GPR141: variants seen among roughly 807,000 people sequenced by gnomAD.
GPR141 encodes probable G protein-coupled receptor 141.
GPR141 carries 6 observed loss-of-function variants against 6.8 expected under a neutral mutation model. The ratio of observed to expected loss-of-function variants is 0.88; its 90% CI spans 0.48 to 1.74. The LOEUF (loss-of-function observed/expected upper bound fraction) is 1.74. Ranked by LOEUF, GPR141 falls within the 40% of genes most tolerant of loss-of-function variation. The pLI, the probability that GPR141 is intolerant of heterozygous loss-of-function variation, is 0.01. For synonymous variants in GPR141, 140 were observed against 142.3 expected, an observed-to-expected ratio of 0.98 and a Z score of 0.11; for missense variants, 372 against 372.9, an observed-to-expected ratio of 1.00 and a Z score of 0.02.
chr7:37,686,665 G>A (rs1268188508), intron 2 of GPR141, among the ~76,000 whole-genome samples: 3 of 152,098 alleles, frequency 2.0e-5, no homozygotes, highest in South Asian at 2.1e-4. Context: ...TGGAGATTAC[G>A]TACCATAGAT....
intron 2 of GPR141, among the ~76,000 whole-genome samples, chr7:37,728,402 G>A (rs1811740836): frequency 6.6e-6 from 1 of 152,170 alleles, no homozygotes; most frequent in South Asian, 2.1e-4. Context: ...ATACTTGTTT[G>A]TCTGTTTTAA....
intron 2 of GPR141, among the ~76,000 whole-genome samples, chr7:37,704,508 C>T (rs1311794915): frequency 1.3e-5 from 2 of 152,136 alleles, no homozygotes; most frequent in East Asian, 3.9e-4. Context: ...AACTCACTCA[C>T]TATCATGGGA....
chr7:37,721,966 G>T (rs981965484), intron 2 of GPR141, among the ~76,000 whole-genome samples: 3 of 152,120 alleles, frequency 2.0e-5, no homozygotes, highest in African/African-American at 7.2e-5. Flanking sequence ...GAAGTCATCT[G>T]GATAACATAT....
chr7:37,709,285 A>T (rs1371954312), intron 2 of GPR141, among the ~76,000 whole-genome samples: 1 of 152,204 alleles, frequency 6.6e-6, no homozygotes, highest in Non-Finnish European at 1.5e-5. Flanking sequence ...GGTAAAGATC[A>T]TAGTGTGCAT....
At chr7:37,724,717 G>A (rs1353367160) in intron 2 of GPR141, among the ~76,000 whole-genome samples, 1 of 152,196 alleles carries the variant, frequency 6.6e-6, no homozygotes, top group Non-Finnish European at 1.5e-5. Flanking sequence ...GAGCTCAAAG[G>A]CAGGAAGCCA....
intron 2 of GPR141, among the ~76,000 whole-genome samples, chr7:37,701,048 T>A (rs1562770464): frequency 6.6e-6 from 1 of 152,234 alleles, no homozygotes; most frequent in Non-Finnish European, 1.5e-5. Flanking sequence ...TACCCCATTG[T>A]ACATGGAACT....
intron 2 of GPR141, among the ~76,000 whole-genome samples, chr7:37,730,337 A>G (rs555002868): frequency 2.2e-4 from 33 of 152,288 alleles, no homozygotes; most frequent in Non-Finnish European, 2.8e-4. Flanking sequence ...AATAATAATA[A>G]CAAGTGTATC....
chr7:37,725,840 G>GC (rs1811601284), intron 2 of GPR141, among the ~76,000 whole-genome samples: 1 of 143,004 alleles, frequency 7.0e-6, no homozygotes. Context: ...TGTTTGCTTT[G>GC]TTTTTTTTTT....
At position 37,742,444 on chromosome 7, in the gene GPR141, G is replaced by A. The variant is rs1308071276; in HGVS notation, c.*1133G>A. 1.5e-4 allele frequency among the ~76,000 whole-genome samples: 22 copies of A among 150,540 alleles called. No individual in the cohort carries two copies. The highest frequency in any genetic ancestry group is 6.7e-4 in the Admixed American group (10 of 15,036). ...CATTGTGTGATGTTCCCCTCCCTGT[G>A]TCCATGTGTTTTCATTGTTCAACTC... is the stretch of plus-strand genomic sequence containing the variant. On this transcript the variant is annotated 3_prime_UTR_variant, in exon 3 of 3. Transcript: ENST00000334425.
intron 2 of GPR141, chr7:37,713,269 A>G (rs1361185199): frequency 2.0e-5 from 3 of 152,234 alleles, no homozygotes; most frequent in African/African-American, 7.2e-5. Context: ...AGTGAAATAC[A>G]TGTAAGAAAA....
At chr7:37,715,843 A>G (rs547921545) in intron 2 of GPR141, among the ~76,000 whole-genome samples, 9 of 152,302 alleles carry the variant, frequency 5.9e-5, no homozygotes, top group African/African-American at 2.2e-4. Context: ...GCCAATGCAC[A>G]CATTCCACTA....
At chr7:37,731,590 C>T (rs555458043) in intron 2 of GPR141, among the ~76,000 whole-genome samples, 3 of 152,014 alleles carry the variant, frequency 2.0e-5, no homozygotes, top group Non-Finnish European at 4.4e-5. Flanking sequence ...ACTACAGGCG[C>T]CCGCCACAAC....
intron 2 of GPR141, among the ~76,000 whole-genome samples, chr7:37,696,071 T>G (rs1332716120): frequency 6.6e-6 from 1 of 152,208 alleles, no homozygotes; most frequent in African/African-American, 2.4e-5. Flanking sequence ...TACAGACAAT[T>G]CCCCATATAA....
At chr7:37,735,263 C>A (rs1812175546) in intron 2 of GPR141, among the ~76,000 whole-genome samples, 1 of 152,232 alleles carries the variant, frequency 6.6e-6, no homozygotes. Flanking sequence ...AAAGCAACTT[C>A]TTTCACAACA....
Position 37,733,170 on chromosome 7 carries a change from G to A in GPR141, c.-14-7210G>A, listed in dbSNP as rs375342356. 2.6e-5 allele frequency among the ~76,000 whole-genome samples: 4 copies of A among 152,268 alleles called. No individual in the cohort carries two copies. The South Asian group carries it at 8.3e-4, about 32-fold the overall frequency. ...TGAGAAGATATGGACTTGGCTCTATGTGCTTGGCTAGCTGAATGTTTTGCA... is the reference window on the plus strand; with the variant it reads ...TGAGAAGATATGGACTTGGCTCTATATGCTTGGCTAGCTGAATGTTTTGCA... On this transcript the variant is annotated intron_variant, in intron 2 of 2. Coordinates refer to ENST00000334425, the MANE Select transcript of GPR141 (RefSeq NM_001381946.1).
chr7:37,685,821 A>C (rs1809485408), intron 2 of GPR141, among the ~76,000 whole-genome samples: 1 of 148,992 alleles, frequency 6.7e-6, no homozygotes, highest in South Asian at 2.1e-4. Flanking sequence ...TCCAAAATCC[A>C]ATTGTAGTTA....
At chr7:37,717,508 A>G (rs1453506023) in intron 2 of GPR141, among the ~76,000 whole-genome samples, 1 of 152,296 alleles carries the variant, frequency 6.6e-6, no homozygotes. Flanking sequence ...AAACGTTTCC[A>G]TATCAGTGCC....
chr7:37,718,900 A>C (rs979929950), intron 2 of GPR141, among the ~76,000 whole-genome samples: 1 of 152,214 alleles, frequency 6.6e-6, no homozygotes, highest in Non-Finnish European at 1.5e-5. Context: ...GCAGTATCTT[A>C]AGCAGGGCTC....
intron 2 of GPR141, among the ~76,000 whole-genome samples, chr7:37,736,208 TGCCATTGCACTCCA>T (rs964703549): frequency 6.6e-6 from 1 of 151,424 alleles, no homozygotes; most frequent in African/African-American, 2.4e-5. Context: ...GCCAAGATCG[TGCCATTGCACTCCA>T]GCCTGGGTGA....
Sources: gnomAD v4.1 joint callset for allele counts (sites outside exome capture counted in the v4.1 genomes callset) on GRCh38, gnomAD v4.1.1 for gene constraint, MANE v1.5 for transcripts, NCBI Gene and HGNC (gene_info 2026-07-23, HGNC 2026-07-21) for gene names.